Variants in UMAD1 observed in about 807,000 individuals in gnomAD.
UMAD1 encodes UBAP1-MVB12-associated (UMA)-domain containing protein 1.
Under a neutral mutation model 6.1 loss-of-function variants are expected in UMAD1, and 8 were observed. The observed-to-expected ratio is 1.30, with a 90% CI of 0.76 to 2.35. The LOEUF is 2.35. Ranked by LOEUF, UMAD1 falls within the 30% of genes most tolerant of loss-of-function variation. UMAD1 has a pLI of 0.00. For synonymous variants in UMAD1, 56 were observed against 31.4 expected (o/e 1.78, Z -2.61); for missense variants, 130 against 78.4 (o/e 1.66, Z -2.49).
intron 2 of UMAD1, among the ~76,000 whole-genome samples, chr7:7,797,602 A>G (rs913770520): frequency 1.3e-5 from 2 of 151,742 alleles, no homozygotes; most frequent in African/African-American, 4.8e-5. Flanking sequence ...TCTCCCCTCA[A>G]CCATCCTCAC....
chr7:7,650,873 C>T (rs1785209800), intron 1 of UMAD1, among the ~76,000 whole-genome samples: 2 of 152,182 alleles, frequency 1.3e-5, no homozygotes, highest in South Asian at 4.1e-4. Flanking sequence ...TTACCTTTAC[C>T]TTTAATGCTG....
At chr7:7,643,952 T>A (rs1437957339) in intron 1 of UMAD1, among the ~76,000 whole-genome samples, 1 of 152,178 alleles carries the variant, frequency 6.6e-6, no homozygotes, top group Non-Finnish European at 1.5e-5. Flanking sequence ...GGACTGAAGT[T>A]GCTACTGACC....
chr7:7,676,668 C>G (rs1228196445), intron 2 of UMAD1, among the ~76,000 whole-genome samples: 1 of 151,790 alleles, frequency 6.6e-6, no homozygotes, highest in South Asian at 2.1e-4. Flanking sequence ...TTTGGCTAAC[C>G]CAAACTTTTT....
chr7:7,869,834 A>G (rs1322952299), intron 3 of UMAD1, among the ~76,000 whole-genome samples: 1 of 152,200 alleles, frequency 6.6e-6, no homozygotes, highest in Non-Finnish European at 1.5e-5. Flanking sequence ...TTGCTTTCAA[A>G]CACCCAAGAG....
chr7:7,673,160 A>G, intron 1 of UMAD1, 149 bp from the exon 2 acceptor site: 1 of 660,858 alleles, frequency 1.5e-6, no homozygotes, highest in Admixed American at 2.4e-5. Context: ...TTGTCGGCTG[A>G]CATCTAGAGA....
chr7:7,707,851 T>C (rs1229828439), intron 2 of UMAD1, among the ~76,000 whole-genome samples: 3 of 152,232 alleles, frequency 2.0e-5, no homozygotes, highest in Non-Finnish European at 4.4e-5. Context: ...TCTTTTAATG[T>C]AGTTATTTTG....
chr7:7,784,141 G>C (rs1280621432), intron 2 of UMAD1, among the ~76,000 whole-genome samples: 1 of 152,058 alleles, frequency 6.6e-6, no homozygotes, highest in Non-Finnish European at 1.5e-5. Flanking sequence ...ATATGGCTCT[G>C]CTATTTAGGA....
At chr7:7,796,853 A>G (rs887838731) in intron 2 of UMAD1, among the ~76,000 whole-genome samples, 1 of 151,742 alleles carries the variant, frequency 6.6e-6, no homozygotes, top group Non-Finnish European at 1.5e-5. Flanking sequence ...ACTTTGGCCC[A>G]CTCCAAAACC....
chr7:7,858,621 G>C (rs1302233332), intron 3 of UMAD1, among the ~76,000 whole-genome samples: 1 of 152,150 alleles, frequency 6.6e-6, no homozygotes, highest in Non-Finnish European at 1.5e-5. Context: ...GCTGTGTGAT[G>C]TTGCTTCTTC....
intron 2 of UMAD1, among the ~76,000 whole-genome samples, chr7:7,783,850 C>G (rs1782401685): frequency 6.6e-6 from 1 of 151,520 alleles, no homozygotes; most frequent in Non-Finnish European, 1.5e-5. Context: ...GTATACTGTA[C>G]TTCTGGTTAA....
rs77622693 is a variant in UMAD1 at position 7,817,381 on chromosome 7, A to G, written c.156+15638A>G. ...TGATGTGTGCAGGAACAGTCAGACTAGACAAAAGACAGAAGAACTTGTTAT... is the reference window on the plus strand; with the variant it reads ...TGATGTGTGCAGGAACAGTCAGACTGGACAAAAGACAGAAGAACTTGTTAT... On this transcript the variant is annotated intron_variant, in intron 3 of 3. Coordinates refer to ENST00000682710, the MANE Select transcript of UMAD1 (RefSeq NM_001302348.2). 2.3e-3 allele frequency among the ~76,000 whole-genome samples: 343 copies of G among 152,350 alleles called. 2 individuals carry two copies. Among genetic ancestry groups the G allele is most frequent in the African/African-American group, 8.0e-3 (331 of 41,570 alleles).
At chr7:7,849,585 A>G (rs529955334) in intron 3 of UMAD1, among the ~76,000 whole-genome samples, 52 of 152,270 alleles carry the variant, frequency 3.4e-4, no homozygotes, top group African/African-American at 1.2e-3. Flanking sequence ...ATTCAACAGT[A>G]TTTATTGAGT....
intron 2 of UMAD1, among the ~76,000 whole-genome samples, chr7:7,761,907 A>G (rs1781897993): frequency 6.6e-6 from 1 of 152,042 alleles, no homozygotes; most frequent in Non-Finnish European, 1.5e-5. Flanking sequence ...TCTCCTTTGC[A>G]GGCCCTTTTC....
intron 2 of UMAD1, among the ~76,000 whole-genome samples, chr7:7,770,156 T>A (rs1020656136): frequency 1.3e-5 from 2 of 152,218 alleles, no homozygotes; most frequent in Non-Finnish European, 1.5e-5. Context: ...TCCCTTCTCA[T>A]ATTTCTAAGG....
chr7:7,775,525 G>A (rs1241385772), intron 2 of UMAD1, among the ~76,000 whole-genome samples: 1 of 152,198 alleles, frequency 6.6e-6, no homozygotes, highest in Non-Finnish European at 1.5e-5. Flanking sequence ...CCCCAGCCAT[G>A]CAGAACTGTG....
chr7:7,744,980 A>G (rs1441067096), intron 2 of UMAD1, among the ~76,000 whole-genome samples: 1 of 152,206 alleles, frequency 6.6e-6, no homozygotes, highest in African/African-American at 2.4e-5. Flanking sequence ...AGCTTAAACT[A>G]CTAATAGCCT....
At chr7:7,732,230 T>C (rs1352252848) in intron 2 of UMAD1, among the ~76,000 whole-genome samples, 11 of 152,084 alleles carry the variant, frequency 7.2e-5, no homozygotes, top group Admixed American at 7.2e-4. Flanking sequence ...AAAGAGTAGA[T>C]CCTCCCATGA....
intron 2 of UMAD1, among the ~76,000 whole-genome samples, chr7:7,718,104 A>G (rs145510619): frequency 7.4e-4 from 112 of 152,326 alleles, no homozygotes; most frequent in African/African-American, 2.4e-3. Flanking sequence ...TTGTTGTATA[A>G]TAAGTTATAA....
At chr7:7,683,536 T>A (rs1779963195) in intron 2 of UMAD1, among the ~76,000 whole-genome samples, 1 of 152,090 alleles carries the variant, frequency 6.6e-6, no homozygotes, top group East Asian at 1.9e-4. Flanking sequence ...TCTGGGTAAT[T>A]ACATTTCCTT....
Sources: gnomAD v4.1 joint callset for allele counts (sites outside exome capture counted in the v4.1 genomes callset) on GRCh38, gnomAD v4.1.1 for gene constraint, MANE v1.5 for transcripts, NCBI Gene and HGNC (gene_info 2026-07-23, HGNC 2026-07-21) for gene names.